The following FOXP1 variants were observed in gnomAD, a reference collection of about 807,000 sequenced individuals.
FOXP1 encodes forkhead box P1, also known as forkhead box protein P1.
A neutral mutation model predicts 98.2 loss-of-function variants in FOXP1; 15 were observed. The ratio of observed to expected loss-of-function variants is 0.15; its 90% CI spans 0.10 to 0.24. FOXP1 has a LOEUF of 0.24. Ranked by LOEUF, FOXP1 falls within the 10% of genes least tolerant of loss-of-function variation. The pLI, the probability that FOXP1 is intolerant of heterozygous loss-of-function variation, is 1.00. For missense variants in FOXP1, 633 were observed against 848.5 expected, an observed-to-expected ratio of 0.75 and a Z score of 3.15; for synonymous variants, 371 against 314.5, an observed-to-expected ratio of 1.18 and a Z score of -1.90.
chr3:71,178,596 A>G (rs2062088663), intron 6 of FOXP1, among the ~76,000 whole-genome samples: 1 of 152,148 alleles, frequency 6.6e-6, no homozygotes, highest in East Asian at 1.9e-4. Flanking sequence ...TAAAAATACA[A>G]AAATTGGCCG....
chr3:71,165,970 C>A (rs1011406356), intron 6 of FOXP1, among the ~76,000 whole-genome samples: 1 of 152,182 alleles, frequency 6.6e-6, no homozygotes, highest in African/African-American at 2.4e-5. Context: ...AGACAGAAGG[C>A]TAAACATTCT....
chr3:70,986,133 TC>T (rs1470924007), intron 14 of FOXP1, among the ~76,000 whole-genome samples: 2 of 152,168 alleles, frequency 1.3e-5, no homozygotes, highest in Admixed American at 6.5e-5. Flanking sequence ...TTAATACTAA[TC>T]AAGACAAACC....
chr3:71,424,215 A>G (rs2083900283), intron 3 of FOXP1, among the ~76,000 whole-genome samples: 1 of 152,230 alleles, frequency 6.6e-6, no homozygotes. Flanking sequence ...AGGAAGGGAC[A>G]ATGATTTTGG....
intron 14 of FOXP1, among the ~76,000 whole-genome samples, chr3:70,980,249 G>C (rs1024367260): frequency 6.6e-5 from 10 of 152,254 alleles, no homozygotes; most frequent in African/African-American, 1.9e-4. Flanking sequence ...CCAAGTCCAG[G>C]AACAGTATGT....
intron 1 of FOXP1, chr3:71,582,660 G>A: frequency 1.0e-6 from 1 of 985,412 alleles, no homozygotes; most frequent in Non-Finnish European, 1.2e-6. Context: ...AGATCCGGGC[G>A]CGGCGACTCC....
At chr3:71,045,095 C>G (rs1007480653) in intron 10 of FOXP1, among the ~76,000 whole-genome samples, 1 of 152,304 alleles carries the variant, frequency 6.6e-6, no homozygotes, top group Non-Finnish European at 1.5e-5. Flanking sequence ...ACTGCAAGAA[C>G]CTGACACCAG....
At chr3:71,257,460 C>T (rs941342321) in intron 5 of FOXP1, among the ~76,000 whole-genome samples, 2 of 152,036 alleles carry the variant, frequency 1.3e-5, no homozygotes, top group East Asian at 1.9e-4. Flanking sequence ...TGGCAGGCCC[C>T]TGTAATCCCA....
chr3:71,136,539 A>C (rs1321024592), intron 6 of FOXP1, among the ~76,000 whole-genome samples: 2 of 152,250 alleles, frequency 1.3e-5, no homozygotes, highest in East Asian at 1.9e-4. Context: ...AAGAATAGAC[A>C]TATTAGCTGC....
At chr3:71,285,846 T>C (rs1041577977) in intron 5 of FOXP1, among the ~76,000 whole-genome samples, 3 of 152,202 alleles carry the variant, frequency 2.0e-5, no homozygotes, top group Non-Finnish European at 4.4e-5. Context: ...CTTTTCTGTA[T>C]CACAGTTTCA....
chr3:71,328,311 T>C (rs73837103), intron 4 of FOXP1, among the ~76,000 whole-genome samples: 3,901 of 152,052 alleles, frequency 0.026, 174 homozygotes, highest in African/African-American at 0.088. Flanking sequence ...AAAAGAAGAA[T>C]TTGGCAAATC....
chr3:71,185,120 G>C (rs2062568585), intron 6 of FOXP1, among the ~76,000 whole-genome samples: 1 of 152,010 alleles, frequency 6.6e-6, no homozygotes, highest in Non-Finnish European at 1.5e-5. Flanking sequence ...TTGAACACGG[G>C]AGGCAGAGGT....
intron 11 of FOXP1, among the ~76,000 whole-genome samples, chr3:71,026,670 G>A (rs1249546709): frequency 6.6e-6 from 1 of 152,232 alleles, no homozygotes; most frequent in African/African-American, 2.4e-5. Context: ...ACGAAAGGTA[G>A]TAAGTCTGGC....
intron 11 of FOXP1, among the ~76,000 whole-genome samples, chr3:71,035,907 A>G (rs1199202072): frequency 6.6e-6 from 1 of 152,222 alleles, no homozygotes; most frequent in African/African-American, 2.4e-5. Flanking sequence ...CAGTTCTGAA[A>G]ACTAACTTCT....
At chr3:71,247,553 C>A (rs554075841) in intron 5 of FOXP1, among the ~76,000 whole-genome samples, 2 of 152,288 alleles carry the variant, frequency 1.3e-5, no homozygotes, top group South Asian at 2.1e-4. Context: ...CGAGGGCCTG[C>A]GAGCGACTTT....
At position 71,110,014 on chromosome 3, in the gene FOXP1, T is replaced by C. The variant is rs922815782; in HGVS notation, c.282+2522A>G. Among the ~76,000 whole-genome samples the C allele has an allele frequency of 1.1e-4, 17 of 152,180 alleles. 1 individual carries two copies. Among genetic ancestry groups the C allele is most frequent in the African/African-American group, 4.1e-4 (17 of 41,450 alleles). On this transcript the variant is annotated intron_variant, in intron 7 of 20. Transcript: ENST00000649528. Reference sequence around the variant, plus strand: ...CGTTCAAGATTACCCCTTCTCCCCCTACTTTTTATACAGACTGAAGTGCTC... The same window carrying C: ...CGTTCAAGATTACCCCTTCTCCCCCCACTTTTTATACAGACTGAAGTGCTC...
At chr3:71,409,022 C>T (rs2082539824) in intron 3 of FOXP1, among the ~76,000 whole-genome samples, 2 of 152,152 alleles carry the variant, frequency 1.3e-5, no homozygotes, top group African/African-American at 4.8e-5. Context: ...ATAGTCCAAT[C>T]AGGAAGGAAT....
chr3:71,313,057 CTTT>C (rs1227506558), intron 4 of FOXP1, among the ~76,000 whole-genome samples: 4 of 119,008 alleles, frequency 3.4e-5, no homozygotes, highest in Non-Finnish European at 3.4e-5. Flanking sequence ...AACTTTAATT[CTTT>C]TTTTTTTTTT....
intron 12 of FOXP1, among the ~76,000 whole-genome samples, chr3:71,012,474 A>G (rs1197992895): frequency 6.6e-6 from 1 of 152,224 alleles, no homozygotes; most frequent in Admixed American, 6.5e-5. Flanking sequence ...GTTCACATCT[A>G]GAAGCAATTT....
intron 5 of FOXP1, among the ~76,000 whole-genome samples, chr3:71,232,878 A>AAAAAAAAAAAAAAAAAAC (rs2066426056): frequency 1.2e-5 from 1 of 80,550 alleles, no homozygotes; most frequent in Non-Finnish European, 2.4e-5. Context: ...ACTCTGTCTC[A>AAAAAAAAAAAAAAAAAAC]AAAAAAAAAA....
Sources: gnomAD v4.1 joint callset for allele counts (sites outside exome capture counted in the v4.1 genomes callset) on GRCh38, gnomAD v4.1.1 for gene constraint, MANE v1.5 for transcripts, NCBI Gene and HGNC (gene_info 2026-07-23, HGNC 2026-07-21) for gene names.